The following DENND2B variants were observed in gnomAD, a reference collection of about 807,000 sequenced individuals.
DENND2B encodes the protein DENN domain containing 2B.
In DENND2B, 32 loss-of-function variants were observed where a neutral mutation model predicts 116.0. The ratio of observed to expected loss-of-function variants is 0.28; its 90% CI spans 0.21 to 0.37. The LOEUF (loss-of-function observed/expected upper bound fraction) is 0.37. DENND2B is among the 10% of genes least tolerant of loss of function. The probability of loss-of-function intolerance (pLI) is 1.00; values close to 1 mark genes in which losing one functional copy is unlikely to be tolerated. For synonymous variants in DENND2B, 588 were observed against 583.9 expected (o/e 1.01, Z -0.10); for missense variants, 1,276 against 1,477.7 (o/e 0.86, Z 2.24).
At chr11:8,795,242 T>C (rs2059716450) in intron 1 of DENND2B, among the ~76,000 whole-genome samples, 1 of 152,200 alleles carries the variant, frequency 6.6e-6, no homozygotes, top group Non-Finnish European at 1.5e-5. Context: ...GTTGATGTTT[T>C]AGAGTAAGCC....
chr11:8,826,674 A>G (rs1447958895), intron 4 of DENND2B, among the ~76,000 whole-genome samples: 1 of 152,182 alleles, frequency 6.6e-6, no homozygotes, highest in Non-Finnish European at 1.5e-5. Context: ...TCAACATCCT[A>G]CAGGAGAAGA....
At chr11:8,836,808 T>C (rs2062447390) in intron 4 of DENND2B, among the ~76,000 whole-genome samples, 1 of 152,080 alleles carries the variant, frequency 6.6e-6, no homozygotes, top group African/African-American at 2.4e-5. Context: ...TCGACCTCCC[T>C]GGGCTCAGGT....
rs2064015015 is a variant in DENND2B, at chr11:8,890,279, A to G, written c.-255-9170T>C. Among the ~76,000 whole-genome samples the G allele has an allele frequency of 1.3e-5, 2 of 152,186 alleles. 1 individual carries two copies. The highest frequency in any genetic ancestry group is 4.1e-4 in the South Asian group (2 of 4,826). ...TCAAAGACCAAAGGTAGATAAAACC[A>G]CAAAGATGGGGAAAAAACAGAGCAG... On this transcript the variant is annotated intron_variant, in intron 1 of 22. Transcript: ENST00000534127.
upstream of DENND2B, among the ~76,000 whole-genome samples, chr11:8,813,644 T>C (rs1001590929): frequency 2.6e-5 from 4 of 152,202 alleles, no homozygotes; most frequent in Non-Finnish European, 4.4e-5. Context: ...GGCATTCTTT[T>C]AAGCAGTATG....
At chr11:8,872,503 GA>G (rs1277384593), upstream of DENND2B, among the ~76,000 whole-genome samples, 13 of 131,272 alleles carry the variant, frequency 9.9e-5, no homozygotes, top group African/African-American at 3.2e-4. Context: ...AAAAAAAAAA[GA>G]AAAAAAAAGA....
chr11:8,712,795 C>T lies in DENND2B; in HGVS notation c.1988-60G>A. On this transcript the variant is annotated intron_variant, in intron 8 of 19. Transcript: ENST00000313726. The surrounding 1 kb of genome is among the most constrained non-coding windows in gnomAD (Gnocchi z 4.4). Reference sequence around the variant, plus strand: ...CACAGGCCTCATGTTAACTCCTCTACCCCTGGCTCAGGGCTCCATTGCTGT... The same window carrying T: ...CACAGGCCTCATGTTAACTCCTCTATCCCTGGCTCAGGGCTCCATTGCTGT... The T allele has an allele frequency of 2.0e-6, 3 of 1,524,168 alleles. No homozygotes were observed. The highest frequency in any genetic ancestry group is 2.6e-6 in the Non-Finnish European group (3 of 1,134,416). The allele number at this position is 1,524,168 out of a possible 1,614,324, so 94.4% of individuals were successfully genotyped here.
exon 2 of DENND2B, chr11:8,881,066 C>G (rs1435841277): frequency 2.0e-5 from 3 of 152,098 alleles, no homozygotes; most frequent in Non-Finnish European, 4.4e-5. Flanking sequence ...TGTTCTTCCC[C>G]TTCATTTTTG....
At position 8,881,934 on chromosome 11, in the gene DENND2B, C is replaced by A. The variant is rs183239741; in HGVS notation, c.-255-825G>T. Among the ~76,000 whole-genome samples, 392 of 152,292 alleles carry A rather than the reference C, an allele frequency of 2.6e-3. 3 individuals carry two copies. The highest frequency in any genetic ancestry group is 9.1e-3 in the African/African-American group (379 of 41,560). On this transcript the variant is annotated intron_variant, in intron 1 of 22. Coordinates refer to the DENND2B transcript ENST00000534127. ...TCTTAATATCTCTATCAACTCCTGT[C>A]TCTATGACCACTCTTTTTCACTGGC...
chr11:8,903,075 G>T (rs1309125822), intron 1 of DENND2B, among the ~76,000 whole-genome samples: 1 of 152,142 alleles, frequency 6.6e-6, no homozygotes, highest in African/African-American at 2.4e-5. Context: ...GGACAGGATG[G>T]TCTCGATCTC....
rs2048072239 is a variant in DENND2B at position 8,731,171 on chromosome 11, G to C, written c.119C>G (p.Pro40Arg). 6.5e-7 allele frequency: 1 copy of C among 1,537,348 alleles called. No homozygotes were observed. Among genetic ancestry groups the C allele is most frequent in the East Asian group, 2.3e-5 (1 of 44,210 alleles). ...SVSPPPVLSPPRSPIYPLSDS... is the reference protein window; with the variant it reads ...SVSPPPVLSPRRSPIYPLSDS... ...ACTGAGCGGGTAGATGGGACTCCTT[G>C]GTGGGGAGAGAACTGGAGGTGGAGA... is the stretch of plus-strand genomic sequence containing the variant. Residue 40 changes from proline to arginine, a missense_variant, in exon 3 of 20, where the codon CCA becomes CGA. By Grantham distance (103) the Pro-to-Arg change is moderately radical. Around this residue, in one of 2 missense-constraint regions of DENND2B, gnomAD observed 856 missense variants for 846.6 expected, o/e 1.01. Coordinates refer to ENST00000313726, the MANE Select transcript of DENND2B (RefSeq NM_213618.2).
chr11:8,894,671 G>A (rs914836890), intron 1 of DENND2B, among the ~76,000 whole-genome samples: 1 of 152,192 alleles, frequency 6.6e-6, no homozygotes, highest in African/African-American at 2.4e-5. Context: ...CTGGCCATCA[G>A]AGAAATGCAA....
chr11:8,816,728 A>T (rs1328279581), intron 4 of DENND2B, among the ~76,000 whole-genome samples: 1 of 152,202 alleles, frequency 6.6e-6, no homozygotes, highest in Non-Finnish European at 1.5e-5. Flanking sequence ...GTAGACAGCT[A>T]GCAGGCTGGA....
intron 1 of DENND2B, among the ~76,000 whole-genome samples, chr11:8,781,048 TC>T (rs556000105): frequency 2.0e-5 from 3 of 152,004 alleles, no homozygotes; most frequent in Admixed American, 6.6e-5. Flanking sequence ...GAGTTCAGCA[TC>T]CTAAAAGTGA....
chr11:8,718,120 C>CCA (rs1195278557), intron 4 of DENND2B: 4 of 303,742 alleles, frequency 1.3e-5, no homozygotes, highest in African/African-American at 9.4e-5. Flanking sequence ...CCCAACCCCC[C>CCA]ACCCCCAGCC....
intron 4 of DENND2B, among the ~76,000 whole-genome samples, chr11:8,829,766 G>A (rs1022162364): frequency 6.6e-6 from 1 of 152,134 alleles, no homozygotes; most frequent in Non-Finnish European, 1.5e-5. Flanking sequence ...AGCTGTGTGT[G>A]CTGGGAACAG....
intron 4 of DENND2B, among the ~76,000 whole-genome samples, chr11:8,821,932 C>T (rs574174627): frequency 6.6e-6 from 1 of 152,304 alleles, no homozygotes; most frequent in Non-Finnish European, 1.5e-5. Context: ...GCTGGGACTA[C>T]AAGTGTGCAC....
intron 1 of DENND2B, among the ~76,000 whole-genome samples, chr11:8,895,982 G>A (rs75133959): frequency 0.023 from 3,522 of 152,036 alleles, 48 homozygotes; most frequent in Middle Eastern, 0.034. Flanking sequence ...GGAGGGTATG[G>A]TATATGACTG....
upstream of DENND2B, among the ~76,000 whole-genome samples, chr11:8,814,570 A>C (rs1427146215): frequency 2.0e-5 from 3 of 151,302 alleles, no homozygotes; most frequent in Non-Finnish European, 2.9e-5. Context: ...CCTCACCTTG[A>C]CTCTCCTGTC....
intron 1 of DENND2B, among the ~76,000 whole-genome samples, chr11:8,772,585 A>C (rs2057075030): frequency 6.6e-6 from 1 of 152,128 alleles, no homozygotes; most frequent in Non-Finnish European, 1.5e-5. Flanking sequence ...TATCATACTA[A>C]TAGTAGAGTG....
Sources: allele counts gnomAD v4.1 joint callset (sites outside exome capture counted in the v4.1 genomes callset), GRCh38; gene constraint gnomAD v4.1.1; regional missense constraint gnomAD v4.1.1; non-coding constraint Gnocchi (gnomAD v3.1); transcripts MANE v1.5; gene names NCBI Gene and HGNC (gene_info 2026-07-23, HGNC 2026-07-21).